PIK3C2B: variants seen among roughly 807,000 people sequenced by gnomAD.
PIK3C2B encodes the protein phosphatidylinositol-4-phosphate 3-kinase catalytic subunit type 2 beta.
A neutral mutation model predicts 184.3 loss-of-function variants in PIK3C2B; 83 were observed. That is an observed-to-expected ratio of 0.45 (90% confidence interval 0.38 to 0.54). PIK3C2B has a LOEUF of 0.54. Ranked by LOEUF, PIK3C2B falls within the 20% of genes least tolerant of loss-of-function variation. PIK3C2B has a pLI of 0.00. For synonymous variants in PIK3C2B, 779 were observed against 837.6 expected (o/e 0.93, Z 1.21); for missense variants, 1,736 against 2,113.5 (o/e 0.82, Z 3.50).
chr1:204,432,080 C>T (rs1368582983), intron 27 of PIK3C2B, 120 bp downstream of exon 27: 1 of 918,278 alleles, frequency 1.1e-6, no homozygotes, highest in East Asian at 2.4e-5. Flanking sequence ...GGACTGCTCC[C>T]AGCACAGGAC....
intron 23 of PIK3C2B, among the ~76,000 whole-genome samples, chr1:204,437,175 C>G (rs911212011): frequency 6.6e-6 from 1 of 151,586 alleles, no homozygotes; most frequent in African/African-American, 2.4e-5. Flanking sequence ...TACACAGAGG[C>G]TTTGAAGAAC....
At chr1:204,483,865 C>CA (rs1341744909) in intron 1 of PIK3C2B, among the ~76,000 whole-genome samples, 1 of 152,188 alleles carries the variant, frequency 6.6e-6, no homozygotes, top group Non-Finnish European at 1.5e-5. Context: ...GACCCTCGCC[C>CA]AGTGTCTCCC....
chr1:204,465,445 G>T, intron 2 of PIK3C2B, 126 bp from the exon 3 acceptor site: 1 of 658,544 alleles, frequency 1.5e-6, no homozygotes, highest in Non-Finnish European at 2.8e-6. Context: ...TCCAATGAAA[G>T]GGGCACAAGA....
rs773476660 is a variant in PIK3C2B at position 204,429,923 on chromosome 1, C to T, written c.4396G>A (p.Glu1466Lys). Reference protein sequence around the residue: ...HLIHAPPEVAECDLVYTFFHP... With the variant: ...HLIHAPPEVAKCDLVYTFFHP... The stretch of plus-strand genomic sequence containing the variant: ...GGAGGAGAGGCAAGCCCACCCACCT[C>T]GGCCACCTCAGGGGGTGCGTGGATC... The change falls in exon 29 of 33, where the codon GAG becomes AAG. Residue 1466 changes from glutamate (E) to lysine (K), a missense_variant and splice_region_variant. By Grantham distance (56) the Glu-to-Lys change is moderately conservative (BLOSUM62 1). This residue lies in a region of PIK3C2B where 200 missense variants were observed against 199.1 expected (regional missense o/e 1.00). Coordinates refer to ENST00000684373, the MANE Select transcript of PIK3C2B (RefSeq NM_001377334.1). 11 of 1,601,600 alleles carry T rather than the reference C, an allele frequency of 6.9e-6. No homozygotes were observed. In the Admixed American group the frequency reaches 1.7e-4, roughly 24 times the overall value.
chr1:204,450,239 A>G (rs1654236450), intron 12 of PIK3C2B: 1 of 500,850 alleles, frequency 2.0e-6, no homozygotes, highest in Admixed American at 3.6e-5. Flanking sequence ...GTGTCCTTGG[A>G]GCTTTGCAGT....
chr1:204,485,883 T>C (rs1411398069), intron 1 of PIK3C2B, among the ~76,000 whole-genome samples: 1 of 152,048 alleles, frequency 6.6e-6, no homozygotes, highest in Non-Finnish European at 1.5e-5. Context: ...TCATGGGGGA[T>C]GTGCGATGGC....
chr1:204,429,015 G>A (rs962735074), intron 29 of PIK3C2B: 7 of 417,196 alleles, frequency 1.7e-5, no homozygotes, highest in African/African-American at 1.5e-4. Flanking sequence ...CTTGAGCTCA[G>A]GAGTCTGAGA....
intron 20 of PIK3C2B, 28 bp from the exon 21 acceptor site, chr1:204,441,591 G>A (rs1270135592): frequency 6.6e-7 from 1 of 1,517,692 alleles, no homozygotes; most frequent in Non-Finnish European, 9.1e-7. Context: ...TAGTGACGAG[G>A]GTCAGAGTGG....
chr1:204,473,620 G>C (rs531130274), intron 1 of PIK3C2B, among the ~76,000 whole-genome samples: 26 of 152,314 alleles, frequency 1.7e-4, no homozygotes, highest in Admixed American at 1.5e-3. Flanking sequence ...CGCTGAGCTA[G>C]GACAAGCAGA....
intron 20 of PIK3C2B, 70 bp downstream of exon 20, chr1:204,442,456 C>G: frequency 1.0e-6 from 1 of 987,294 alleles, no homozygotes; most frequent in South Asian, 1.4e-5. Flanking sequence ...CCTTGCATGC[C>G]TGGTTAGTGA....
In PIK3C2B at chr1:204,449,190, G is replaced by C. The variant is rs911899707; in HGVS notation, c.2341C>G (p.Leu781Val). Residue 781 changes from leucine to valine, a missense_variant, in exon 14 of 33, where the codon CTG becomes GTG. Leu to Val is a conservative substitution (Grantham distance 32, BLOSUM62 1). This residue lies in a region of PIK3C2B where 609 missense variants were observed against 699.2 expected (regional missense o/e 0.87). Transcript: ENST00000684373. ...GGGAAGGGCTAAAGCCTCACCTGCAGGATGACACTGTCTGGCTGGTGGAAA... is the reference window on the plus strand; with the variant it reads ...GGGAAGGGCTAAAGCCTCACCTGCACGATGACACTGTCTGGCTGGTGGAAA... The part of the protein sequence containing the change: ...PNFHQPDSVI[L>V]QIDFPTSAFD... The C allele has an allele frequency of 1.9e-6, 3 of 1,606,268 alleles. No individual in the cohort carries two copies. Among genetic ancestry groups the C allele is most frequent in the Non-Finnish European group, 2.6e-6 (3 of 1,174,848 alleles).
At chr1:204,438,331 C>T (rs1253717155) in intron 23 of PIK3C2B, among the ~76,000 whole-genome samples, 1 of 152,196 alleles carries the variant, frequency 6.6e-6, no homozygotes, top group Non-Finnish European at 1.5e-5. Flanking sequence ...CCCTAGCAGG[C>T]TACCAGGGCC....
chr1:204,454,242 G>A (rs1654621648), intron 12 of PIK3C2B, among the ~76,000 whole-genome samples: 1 of 151,484 alleles, frequency 6.6e-6, no homozygotes, highest in Non-Finnish European at 1.5e-5. Context: ...CAGCACTCTG[G>A]GAGGCCGAGG....
At chr1:204,463,369 CCT>C (rs3038305) in intron 5 of PIK3C2B, among the ~76,000 whole-genome samples, 29,996 of 152,078 alleles carry the variant, frequency 0.2, 3,265 homozygotes, top group East Asian at 0.47. Context: ...CTTGCCCCTG[CCT>C]CTCTTCCACT....
In PIK3C2B at chr1:204,457,845, C is replaced by A; in HGVS notation, c.1596G>T (p.Val532=). The change falls in exon 9 of 33, where the codon GTG becomes GTT. Residue 532 remains valine (V), a synonymous_variant. Transcript: ENST00000684373. ...DGDFPLKADR[V]VQSVKAICNA... ...TGCAGATGGCCTTGACGGACTGGAC[C>A]ACCCTGTCAGCCTTCAGTGGGAAGT... is the stretch of plus-strand genomic sequence containing the variant. 6.2e-7 allele frequency: 1 copy of A among 1,613,176 alleles called. No homozygotes were observed. The highest frequency in any genetic ancestry group is 1.7e-4 in the Middle Eastern group (1 of 5,976).
chr1:204,470,928 C>A (rs536760830), intron 1 of PIK3C2B, among the ~76,000 whole-genome samples: 24 of 152,302 alleles, frequency 1.6e-4, no homozygotes, highest in African/African-American at 5.5e-4. Context: ...CTGGAAAATG[C>A]AAACTGATCT....
intron 1 of PIK3C2B, among the ~76,000 whole-genome samples, chr1:204,478,766 G>T (rs554206392): frequency 6.6e-6 from 1 of 152,258 alleles, no homozygotes; most frequent in Non-Finnish European, 1.5e-5. Flanking sequence ...ACCATACCCT[G>T]GACTCTCCAT....
chr1:204,446,188 G>A (rs781367678), intron 15 of PIK3C2B, 44 bp from the exon 16 acceptor site: 2 of 1,410,576 alleles, frequency 1.4e-6, no homozygotes, highest in African/African-American at 1.4e-5. Context: ...AGGGTAGGGG[G>A]CAGTGAGAGA....
chr1:204,465,087 A>T, intron 3 of PIK3C2B, 132 bp downstream of exon 3: 1 of 672,582 alleles, frequency 1.5e-6, no homozygotes. Flanking sequence ...TGTAGGAAGC[A>T]TTTTCATAGC....
Sources: allele counts gnomAD v4.1 joint callset (sites outside exome capture counted in the v4.1 genomes callset), GRCh38; gene constraint gnomAD v4.1.1; regional missense constraint gnomAD v4.1.1; transcripts MANE v1.5; gene names NCBI Gene and HGNC (gene_info 2026-07-23, HGNC 2026-07-21).